Variants in KCNH2 observed in about 807,000 individuals in gnomAD.
KCNH2 encodes the protein voltage-gated inwardly rectifying potassium channel KCNH2.
A neutral mutation model predicts 95.9 loss-of-function variants in KCNH2; 35 were observed. The observed-to-expected ratio is 0.37, with a 90% confidence interval of 0.28 to 0.48. The LOEUF (loss-of-function observed/expected upper bound fraction) is 0.48, where lower values mean the gene tolerates loss of function less well. Among genes scored for constraint, KCNH2 ranks in the 20% least tolerant of loss-of-function variants. The pLI, the probability that KCNH2 is intolerant of heterozygous loss-of-function variation, is 0.99. For missense variants in KCNH2, 1,274 were observed against 1,702.9 expected, an observed-to-expected ratio of 0.75 and a Z score of 4.43; for synonymous variants, 786 against 754.7, an observed-to-expected ratio of 1.04 and a Z score of -0.68.
At chr7:150,953,650 C>G (rs1273509993) in intron 5 of KCNH2, among the ~76,000 whole-genome samples, 1 of 152,212 alleles carries the variant, frequency 6.6e-6, no homozygotes, top group South Asian at 2.1e-4. Context: ...CATCCGGACC[C>G]GGTGACAGCA....
chr7:150,957,265 G>A, intron 5 of KCNH2, 26 bp downstream of exon 5: 3 of 1,542,468 alleles, frequency 1.9e-6, no homozygotes, highest in South Asian at 1.2e-5. Context: ...CAAGGTGAGA[G>A]GAGAGCCCGG....
rs1448964607 is a variant in KCNH2 at position 150,952,578 on chromosome 7, G to A, written c.1404C>T (p.Leu468=). The part of the protein sequence containing the change: ...IVDIMFIVDI[L]INFRTTYVNA... The stretch of plus-strand genomic sequence containing the variant: ...TGACGTAGGTGGTGCGGAAGTTGAT[G>A]AGGATGTCCACAATGAACATGATGT... Residue 468 remains leucine, a synonymous_variant, in exon 6 of 15, where the codon CTC becomes CTT. Coordinates refer to ENST00000262186, the MANE Select transcript of KCNH2 (RefSeq NM_000238.4). This position sits in a 1 kb window ranked among gnomAD's most constrained non-coding sequence, Gnocchi z 7.3. 2 of 1,614,226 alleles carry A rather than the reference G, an allele frequency of 1.2e-6. No homozygotes were observed. Among genetic ancestry groups the A allele is most frequent in the Non-Finnish European group, 1.7e-6 (2 of 1,180,042 alleles).
At chr7:150,972,181 T>C (rs778690434) in intron 2 of KCNH2, among the ~76,000 whole-genome samples, 1 of 152,198 alleles carries the variant, frequency 6.6e-6, no homozygotes, top group African/African-American at 2.4e-5. Flanking sequence ...GCCCTGACAC[T>C]GCGCAGAGCA....
Position 150,961,966 on chromosome 7 carries a change from C to T in KCNH2, c.308-2230G>A, listed in dbSNP as rs1473702110. Among the ~76,000 whole-genome samples, 1 of 152,204 alleles carries T rather than the reference C, an allele frequency of 6.6e-6. No individual in the cohort carries two copies. The highest frequency in any genetic ancestry group is 1.5e-5 in the Non-Finnish European group (1 of 68,034). On this transcript the variant is annotated intron_variant, in intron 2 of 14. Transcript: ENST00000262186. The surrounding 1 kb of genome is among the most constrained non-coding windows in gnomAD (Gnocchi z 6.2). Reference sequence around the variant, plus strand: ...AGGGGCTGGCCAGGAACTCTCCGCCCCACCCCACAGCTCTTCCACTCACCA... The same window carrying T: ...AGGGGCTGGCCAGGAACTCTCCGCCTCACCCCACAGCTCTTCCACTCACCA...
intron 11 of KCNH2, among the ~76,000 whole-genome samples, 155 bp downstream of exon 11, chr7:150,948,289 G>A (rs962352346): frequency 1.3e-5 from 2 of 152,220 alleles, no homozygotes; most frequent in African/African-American, 4.8e-5. Context: ...TGAAAGATGG[G>A]CAGCATCTGG....
At position 150,967,023 on chromosome 7, in the gene KCNH2, T is replaced by C. The variant is rs980856110; in HGVS notation, c.308-7287A>G. Among the ~76,000 whole-genome samples, 61 of 152,336 alleles carry C rather than the reference T, an allele frequency of 4.0e-4. No homozygotes were observed. The East Asian group carries it at 0.01, about 25-fold the overall frequency. Reference sequence around the variant, plus strand: ...GGCCAGGCGCGGTGGCTCATGTCTGTAATCCAGCACTTTGGGAGGCCAAGG... The same window carrying C: ...GGCCAGGCGCGGTGGCTCATGTCTGCAATCCAGCACTTTGGGAGGCCAAGG... On this transcript the variant is annotated intron_variant, in intron 2 of 14. Coordinates refer to ENST00000262186, the MANE Select transcript of KCNH2 (RefSeq NM_000238.4).
rs1376280142 is a variant in KCNH2 at position 150,978,060 on chromosome 7, C to A, written c.-147G>T. On this transcript the variant is annotated 5_prime_UTR_variant, in exon 1 of 15. Coordinates refer to ENST00000262186, the MANE Select transcript of KCNH2 (RefSeq NM_000238.4). ...GGCGCGGCCAAGACTGGACTGCGGG[C>A]GCCGGGTCCTCGCTCGGCTCCCGGC... 2.7e-5 allele frequency: 7 copies of A among 261,582 alleles called. No individual in the cohort carries two copies. The Admixed American group carries it at 3.9e-4, about 15-fold the overall frequency. 16.2% of individuals were successfully genotyped at this position (261,582 alleles called of 1,614,324 possible). A position where few individuals can be genotyped will look rare whatever the true frequency, so the allele number is the denominator to read the frequency against.
rs199472908 is a variant in KCNH2, at chr7:150,952,556, C to T, written c.1426G>A (p.Val476Ile). 1.4e-5 allele frequency: 22 copies of T among 1,614,052 alleles called. No homozygotes were observed. The highest frequency in any genetic ancestry group is 1.6e-4 in the Middle Eastern group (1 of 6,084). The change falls in exon 6 of 15, where the codon GTC becomes ATC. Residue 476 changes from valine to isoleucine, a missense_variant. Around this residue, in one of 7 missense-constraint regions of KCNH2, gnomAD observed 147 missense variants for 344.4 expected, o/e 0.43. Transcript: ENST00000262186. The surrounding 1 kb of genome is among the most constrained non-coding windows in gnomAD (Gnocchi z 7.3). The part of the protein sequence containing the change: ...DILINFRTTY[V>I]NANEEVVSHP... The stretch of plus-strand genomic sequence containing the variant: ...CTGACCACCTCCTCGTTGGCATTGA[C>T]GTAGGTGGTGCGGAAGTTGATGAGG...
At position 150,949,173 on chromosome 7, in the gene KCNH2, G is replaced by A. The variant is rs981349058; in HGVS notation, c.2399-124C>T. On this transcript the variant is annotated intron_variant, in intron 9 of 14. Transcript: ENST00000262186. ...CCCTCAGCTGGGTCGCCTGCCAGCC[G>A]GCCCCCAACCCACACAACCGGGGAA... 76 of 1,107,130 alleles carry A rather than the reference G, an allele frequency of 6.9e-5. 1 individual carries two copies. In the Admixed American group the frequency reaches 7.1e-4, roughly 10 times the overall value. The allele number at this position is 1,107,130 out of a possible 1,614,324, so 68.6% of individuals were successfully genotyped here. A position where few individuals can be genotyped will look rare whatever the true frequency, so the allele number is the denominator to read the frequency against.
intron 1 of KCNH2, 75 bp downstream of exon 1, chr7:150,977,763 C>A: frequency 8.1e-7 from 1 of 1,228,536 alleles, no homozygotes; most frequent in South Asian, 1.3e-5. Flanking sequence ...CCCGGGCACG[C>A]CCCCCCATCC....
At chr7:150,965,931 C>T (rs893572861) in intron 2 of KCNH2, among the ~76,000 whole-genome samples, 3 of 152,220 alleles carry the variant, frequency 2.0e-5, no homozygotes, top group Admixed American at 2.0e-4. Flanking sequence ...ATTTCAAGCC[C>T]GTGGTGCCCT....
In KCNH2 at chr7:150,978,090, C is replaced by G. The variant is rs1007134994; in HGVS notation, c.-177G>C. On this transcript the variant is annotated 5_prime_UTR_variant, in exon 1 of 15. Transcript: ENST00000262186. Reference sequence around the variant, plus strand: ...GGTCCTCGCTCGGCTCCCGGCTCCCCGCTCCGGACCCCGGGCCCGGCCTGG... The same window carrying G: ...GGTCCTCGCTCGGCTCCCGGCTCCCGGCTCCGGACCCCGGGCCCGGCCTGG... The G allele has an allele frequency of 1.3e-4, 25 of 193,672 alleles. No homozygotes were observed. The highest frequency in any genetic ancestry group is 5.0e-4 in the Admixed American group (8 of 16,158). 12.0% of individuals were successfully genotyped at this position (193,672 alleles called of 1,614,324 possible).
rs140279503 is a variant in KCNH2, at chr7:150,948,477, G to A, written c.2659C>T (p.Arg887Cys). 41 of 1,610,562 alleles carry A rather than the reference G, an allele frequency of 2.5e-5. 1 individual carries two copies. Among genetic ancestry groups the A allele is most frequent in the African/African-American group, 2.1e-4 (16 of 74,454 alleles). The change falls in exon 11 of 15, where the codon CGC becomes TGC. Residue 887 changes from arginine to cysteine, a missense_variant. This residue lies in a region of KCNH2 where 457 missense variants were observed against 416.1 expected (regional missense o/e 1.10). Coordinates refer to ENST00000262186, the MANE Select transcript of KCNH2 (RefSeq NM_000238.4). Reference sequence around the variant, plus strand: ...GTGCGCCTGCGGAAGGACAACTTGCGCTTGCGTTGCCGACTGAAGCCACCC... The same window carrying A: ...GTGCGCCTGCGGAAGGACAACTTGCACTTGCGTTGCCGACTGAAGCCACCC... ...LEGGFSRQRK[R>C]KLSFRRRTDK...
At position 150,957,399 on chromosome 7, in the gene KCNH2, A is replaced by C. The variant is rs780309380; in HGVS notation, c.1020T>G (p.Phe340Leu). ...ISKIPQITLN[F>L]VDLKGDPFLA... ...AGAAGGGGTCGCCCTTGAGGTCCAC[A>C]AAGTTGAGGGTGATTTGGGGAATCT... is the stretch of plus-strand genomic sequence containing the variant. The change falls in exon 5 of 15, where the codon TTT becomes TTG. Residue 340 changes from phenylalanine (F) to leucine (L), a missense_variant. Physicochemically the swap from Phe to Leu is conservative, Grantham distance 22. Coordinates refer to ENST00000262186, the MANE Select transcript of KCNH2 (RefSeq NM_000238.4). 1 of 1,614,210 alleles carries C rather than the reference A, an allele frequency of 6.2e-7. No homozygotes were observed. The highest frequency in any genetic ancestry group is 8.5e-7 in the Non-Finnish European group (1 of 1,180,032).
chr7:150,957,362 T>C lies in KCNH2; in HGVS notation c.1057A>G (p.Thr353Ala). Residue 353 changes from threonine (T) to alanine (A), a missense_variant, in exon 5 of 15, where the codon ACC becomes GCC. Coordinates refer to ENST00000262186, the MANE Select transcript of KCNH2 (RefSeq NM_000238.4). ...GGTGCTATGATCTCACGGTCACTGG[T>C]GGGCGAAGCCAAGAAGGGGTCGCCC... ...LKGDPFLASP[T>A]SDREIIAPKI... 1 of 1,613,500 alleles carries C rather than the reference T, an allele frequency of 6.2e-7. No individual in the cohort carries two copies. Among genetic ancestry groups the C allele is most frequent in the East Asian group, 2.2e-5 (1 of 44,882 alleles).
chr7:150,964,693 G>A (rs373686341), intron 2 of KCNH2, among the ~76,000 whole-genome samples: 99 of 152,338 alleles, frequency 6.5e-4, no homozygotes, highest in African/African-American at 2.3e-3. Flanking sequence ...CGCCCTAGTC[G>A]CCTCCCTGCC....
intron 11 of KCNH2, 136 bp downstream of exon 11, chr7:150,948,308 G>T: frequency 1.4e-6 from 1 of 738,018 alleles, no homozygotes; most frequent in Non-Finnish European, 2.3e-6. Flanking sequence ...GGACAGCTGG[G>T]GTGTGGAGTG....
rs1801033415 is a variant in KCNH2, at chr7:150,949,038, T to C, written c.2410A>G (p.Ile804Val). 2 of 1,614,072 alleles carry C rather than the reference T, an allele frequency of 1.2e-6. No individual in the cohort carries two copies. Among genetic ancestry groups the C allele is most frequent in the Non-Finnish European group, 1.7e-6 (2 of 1,179,970 alleles). ...VVVAILGKND[I>V]FGEPLNLYAR... ...TACAGGTTCAGAGGCTCCCCAAAGATGTCATTCTTCCCTGGAGGCCATGGA... is the reference window on the plus strand; with the variant it reads ...TACAGGTTCAGAGGCTCCCCAAAGACGTCATTCTTCCCTGGAGGCCATGGA... Residue 804 changes from isoleucine (I) to valine (V), a missense_variant, in exon 10 of 15, where the codon ATC (isoleucine) becomes GTC (valine). Ile to Val is a conservative substitution (Grantham distance 29). Coordinates refer to ENST00000262186, the MANE Select transcript of KCNH2 (RefSeq NM_000238.4).
rs1235792100 is a variant in KCNH2, at chr7:150,947,313, C to G, written c.3152+15G>C. On this transcript the variant is annotated intron_variant, in intron 13 of 14. Transcript: ENST00000262186. The stretch of plus-strand genomic sequence containing the variant: ...CTCCAGGGCGTGCCCCCCCACCCCA[C>G]CTGCACTCCCTCACCTGTTGAGCTG... 3.3e-6 allele frequency: 5 copies of G among 1,536,510 alleles called. No individual in the cohort carries two copies. In the South Asian group the frequency reaches 6.0e-5, roughly 18 times the overall value.
Sources: gnomAD v4.1 joint callset for allele counts (sites outside exome capture counted in the v4.1 genomes callset) on GRCh38, gnomAD v4.1.1 for gene constraint, gnomAD v4.1.1 regional missense constraint, Gnocchi (gnomAD v3.1) non-coding constraint, MANE v1.5 for transcripts, NCBI Gene and HGNC (gene_info 2026-07-23, HGNC 2026-07-21) for gene names.